Variants in UNC13B observed in about 807,000 individuals in gnomAD.
UNC13B encodes the protein protein unc-13 homolog B.
In UNC13B, 144 loss-of-function variants were observed where a neutral mutation model predicts 211.0. The observed-to-expected ratio is 0.68, with a 90% CI of 0.60 to 0.78. UNC13B has a LOEUF of 0.78. UNC13B is among the 30% of genes least tolerant of loss of function. The pLI, the probability that UNC13B is intolerant of heterozygous loss-of-function variation, is 0.00. For synonymous variants in UNC13B, 709 were observed against 725.8 expected, an observed-to-expected ratio of 0.98 and a Z score of 0.37; for missense variants, 1,777 against 2,002.0, an observed-to-expected ratio of 0.89 and a Z score of 2.14.
intron 11 of UNC13B, among the ~76,000 whole-genome samples, chr9:35,322,253 T>A (rs552267804): frequency 1.7e-4 from 26 of 151,754 alleles, no homozygotes; most frequent in African/African-American, 6.3e-4. Flanking sequence ...TGGGTGGGAG[T>A]GGATATGAAT....
rs1351037081 is a variant in UNC13B at position 35,377,589 on chromosome 9, G to C, written c.9957G>C (p.Arg3319=). ...RNKPEIFEVI[R]DVFTVNKAAH... ...AGCCAGAGATCTTTGAAGTTATCCG[G>C]GACGTCTTCACAGTGAACAAAGCTG... Residue 3319 remains arginine, a synonymous_variant, in exon 16 of 40, where the codon CGG becomes CGC. Coordinates refer to ENST00000635942, the MANE Select transcript of UNC13B (RefSeq NM_001371189.2). 1.9e-6 allele frequency: 3 copies of C among 1,614,108 alleles called. No individual in the cohort carries two copies. The highest frequency in any genetic ancestry group is 1.6e-4 in the Middle Eastern group (1 of 6,084).
At chr9:35,249,616 G>A (rs1441631581) in intron 6 of UNC13B, among the ~76,000 whole-genome samples, 1 of 152,122 alleles carries the variant, frequency 6.6e-6, no homozygotes, top group African/African-American at 2.4e-5. Context: ...CACTTATGAA[G>A]CTTAGTTTGG....
chr9:35,279,305 T>C lies in UNC13B; in HGVS notation c.527-16391T>C, dbSNP rs1828353122. Among the ~76,000 whole-genome samples the C allele has an allele frequency of 3.3e-5, 5 of 152,220 alleles. 1 individual carries two copies. Among genetic ancestry groups the C allele is most frequent in the Admixed American group, 3.3e-4 (5 of 15,280 alleles). ...ATGGAATCATATAGTATTAGGCCTT[T>C]TGTGACTGGTTTATTTAGCAGCATA... On this transcript the variant is annotated intron_variant, in intron 7 of 39. Coordinates refer to ENST00000635942, the MANE Select transcript of UNC13B (RefSeq NM_001371189.2).
At chr9:35,399,598 AC>A (rs1364557380) in intron 35 of UNC13B, 50 bp from the exon 36 acceptor site, 17 of 1,609,416 alleles carry the variant, frequency 1.1e-5, no homozygotes, top group Non-Finnish European at 1.4e-5. Context: ...TGGGTGCAAG[AC>A]TTTCATGACT....
At chr9:35,354,151 G>T (rs1001213375) in intron 11 of UNC13B, among the ~76,000 whole-genome samples, 3 of 152,210 alleles carry the variant, frequency 2.0e-5, no homozygotes, top group Non-Finnish European at 4.4e-5. Flanking sequence ...GAGCTTTTAG[G>T]ATATCAGATG....
chr9:35,321,961 A>T (rs561717870), intron 11 of UNC13B, among the ~76,000 whole-genome samples: 2 of 152,356 alleles, frequency 1.3e-5, no homozygotes, highest in East Asian at 3.9e-4. Flanking sequence ...ATGGTATACC[A>T]TTGTTTAATT....
Position 35,385,797 on chromosome 9 carries a change from CT to C in UNC13B, c.10952del (p.Phe3651SerfsTer4). ...ACAGTGGATTTGCTGACCAGCATTA[CT>C]TTCTTCAGAATGAAGGTAAGAAATG... ...KSTVDLLTSI[T>X]FFRMKVQELQ... On this transcript the variant is annotated frameshift_variant, in exon 23 of 40. Transcript: ENST00000635942. LOFTEE classifies it high-confidence loss of function. 6.2e-7 allele frequency: 1 copy of C among 1,608,542 alleles called. No individual in the cohort carries two copies. The highest frequency in any genetic ancestry group is 8.5e-7 in the Non-Finnish European group (1 of 1,175,310).
At chr9:35,380,683 T>C (rs760826802) in intron 18 of UNC13B, 44 bp downstream of exon 18, 90 of 1,611,966 alleles carry the variant, frequency 5.6e-5, no homozygotes, top group Non-Finnish European at 7.4e-5. Context: ...AGGGAAAGCA[T>C]GAAGGGGACC....
At position 35,243,364 on chromosome 9, in the gene UNC13B, G is replaced by T; in HGVS notation, c.468G>T (p.Glu156Asp). 1 of 1,613,400 alleles carries T rather than the reference G, an allele frequency of 6.2e-7. No individual in the cohort carries two copies. The highest frequency in any genetic ancestry group is 8.5e-7 in the Non-Finnish European group (1 of 1,179,572). ...TCAATGCCTTGGGAGCTGACAATGA[G>T]GTAGGAGCAGCCTTATTTGCAGTAT... ...EQINALGADN[E>D]YSSQEESQRK... The change falls in exon 6 of 40, where the codon GAG (glutamate) becomes GAT (aspartate). Residue 156 changes from glutamate to aspartate, a missense_variant and splice_region_variant. Coordinates refer to ENST00000635942, the MANE Select transcript of UNC13B (RefSeq NM_001371189.2).
At chr9:35,223,887 A>G (rs1369325737) in intron 1 of UNC13B, among the ~76,000 whole-genome samples, 1 of 152,086 alleles carries the variant, frequency 6.6e-6, no homozygotes, top group African/African-American at 2.4e-5. Flanking sequence ...AGTTTTCCCA[A>G]CACCATTTAT....
At chr9:35,317,903 A>G (rs1236379794) in intron 11 of UNC13B, among the ~76,000 whole-genome samples, 1 of 152,030 alleles carries the variant, frequency 6.6e-6, no homozygotes, top group Non-Finnish European at 1.5e-5. Context: ...TTTTATTTCT[A>G]AGTTTTTTAA....
In UNC13B at chr9:35,301,190, A is replaced by G. The variant is rs1481043787; in HGVS notation, c.1786A>G (p.Met596Val). ...AMAVLGKDLS[M>V]QSPLSSQKDD... ...GGCAGTATTGGGGAAGGATCTTTCCATGCAATCTCCATTATCCTCTCAAAA... is the reference window on the plus strand; with the variant it reads ...GGCAGTATTGGGGAAGGATCTTTCCGTGCAATCTCCATTATCCTCTCAAAA... Residue 596 changes from methionine (M) to valine (V), a missense_variant, in exon 9 of 40, where the codon ATG becomes GTG. Transcript: ENST00000635942. 2 of 398,844 alleles carry G rather than the reference A, an allele frequency of 5.0e-6. No homozygotes were observed. Among genetic ancestry groups the G allele is most frequent in the South Asian group, 2.5e-4 (2 of 7,854 alleles). 24.7% of individuals were successfully genotyped at this position (398,844 alleles called of 1,614,324 possible).
intron 12 of UNC13B, among the ~76,000 whole-genome samples, chr9:35,369,930 G>A (rs967082343): frequency 1.1e-4 from 17 of 152,184 alleles, no homozygotes; most frequent in Admixed American, 3.3e-4. Flanking sequence ...CACAGCCTTG[G>A]CAAGACTTAT....
At chr9:35,173,037 G>C (rs937110740) in intron 1 of UNC13B, among the ~76,000 whole-genome samples, 2 of 152,284 alleles carry the variant, frequency 1.3e-5, no homozygotes, top group African/African-American at 4.8e-5. Flanking sequence ...TCTTGCAACT[G>C]TTTGCTTTAT....
At chr9:35,316,612 T>C (rs1298522213) in intron 11 of UNC13B, among the ~76,000 whole-genome samples, 1 of 152,198 alleles carries the variant, frequency 6.6e-6, no homozygotes, top group Non-Finnish European at 1.5e-5. Context: ...AAAATATTTC[T>C]AATGAAGATT....
At chr9:35,333,652 A>G (rs978899815) in intron 11 of UNC13B, among the ~76,000 whole-genome samples, 1 of 152,154 alleles carries the variant, frequency 6.6e-6, no homozygotes, top group Non-Finnish European at 1.5e-5. Context: ...CTTTGGATCA[A>G]TCTCAGATAT....
At chr9:35,227,954 G>A (rs1824950285) in intron 1 of UNC13B, 61 bp from the exon 2 acceptor site, 1 of 1,478,762 alleles carries the variant, frequency 6.8e-7, no homozygotes, top group African/African-American at 1.4e-5. Flanking sequence ...CCTAATAAAT[G>A]TTGCTTAAGT....
At chr9:35,350,700 A>G (rs1832668376) in intron 11 of UNC13B, among the ~76,000 whole-genome samples, 1 of 151,576 alleles carries the variant, frequency 6.6e-6, no homozygotes, top group African/African-American at 2.4e-5. Flanking sequence ...AGAATTAGGT[A>G]AAGAAATATT....
At chr9:35,249,089 G>A (rs563628652) in intron 6 of UNC13B, among the ~76,000 whole-genome samples, 7 of 152,318 alleles carry the variant, frequency 4.6e-5, no homozygotes, top group Non-Finnish European at 1.0e-4. Flanking sequence ...TTGTTGAATT[G>A]ATCCCTTTCC....
Sources: gnomAD v4.1 joint callset for allele counts (sites outside exome capture counted in the v4.1 genomes callset) on GRCh38, gnomAD v4.1.1 for gene constraint, MANE v1.5 for transcripts, NCBI Gene and HGNC (gene_info 2026-07-23, HGNC 2026-07-21) for gene names.